The following TMC2 variants were observed in gnomAD, a reference collection of about 807,000 sequenced individuals.
The protein encoded by TMC2 is transmembrane channel like 2.
A neutral mutation model predicts 105.9 loss-of-function variants in TMC2; 102 were observed. That is an observed-to-expected ratio of 0.96 (90% CI 0.82 to 1.14). TMC2 has a LOEUF of 1.14. TMC2 is among the 50% of genes most tolerant of loss of function. The pLI is 0.00. For missense variants in TMC2, 1,093 were observed against 1,134.3 expected, an observed-to-expected ratio of 0.96 and a Z score of 0.52; for synonymous variants, 402 against 422.8, an observed-to-expected ratio of 0.95 and a Z score of 0.60.
intron 2 of TMC2, among the ~76,000 whole-genome samples, chr20:2,545,302 C>T (rs192867474): frequency 1.8e-4 from 27 of 152,238 alleles, no homozygotes; most frequent in African/African-American, 5.1e-4. Context: ...ATCTAGAATA[C>T]CCCTAGGGTA....
intron 1 of TMC2, 62 bp from the exon 2 acceptor site, chr20:2,537,207 G>A: frequency 6.8e-7 from 1 of 1,473,634 alleles, no homozygotes; most frequent in East Asian, 2.4e-5. Flanking sequence ...AGTGACCGGG[G>A]GTCTGCAGGG....
Position 2,637,485 on chromosome 20 carries a change from T to C in TMC2, c.2397T>C (p.Val799=). ...ATTATTTCCTGCAGCTCCGTGAAGT[T>C]GAGAAGAGTCACAAATCTGTAAAAG... ...LRKKIQVLRE[V]EKSHKSVKGK... The change falls in exon 19 of 20, where the codon GTT becomes GTC. Residue 799 remains valine, a synonymous_variant. Transcript: ENST00000358864. The C allele has an allele frequency of 6.2e-7, 1 of 1,612,382 alleles. No homozygotes were observed. Among genetic ancestry groups the C allele is most frequent in the Non-Finnish European group, 8.5e-7 (1 of 1,178,730 alleles).
intron 7 of TMC2, among the ~76,000 whole-genome samples, chr20:2,583,015 A>G (rs1255059116): frequency 6.6e-6 from 1 of 152,178 alleles, no homozygotes; most frequent in African/African-American, 2.4e-5. Flanking sequence ...CTCTTCCAAC[A>G]CTGGATGTAT....
rs2086693920 is a variant in TMC2 at position 2,642,113 on chromosome 20, G to A, written c.*762G>A. Among the ~76,000 whole-genome samples, 1 of 152,110 alleles carries A rather than the reference G, an allele frequency of 6.6e-6. No individual in the cohort carries two copies. The highest frequency in any genetic ancestry group is 6.5e-5 in the Admixed American group (1 of 15,274). ...AACAACAAGTCTGGCCAGGAGTGGT[G>A]GCTCACACCTGTAATCCCAACACTT... On this transcript the variant is annotated 3_prime_UTR_variant, in exon 20 of 20. Transcript: ENST00000358864.
At chr20:2,619,264 G>A (rs2086507616) in intron 16 of TMC2, among the ~76,000 whole-genome samples, 1 of 152,064 alleles carries the variant, frequency 6.6e-6, no homozygotes, top group Non-Finnish European at 1.5e-5. Flanking sequence ...AATCCCCCAG[G>A]CCCAGGGCTT....
intron 11 of TMC2, 96 bp downstream of exon 11, chr20:2,602,397 A>G (rs975982878): frequency 9.5e-6 from 9 of 949,840 alleles, no homozygotes; most frequent in Non-Finnish European, 1.3e-5. Flanking sequence ...AGTCTGGATT[A>G]TAGGCTTGTT....
intron 10 of TMC2, 68 bp downstream of exon 10, chr20:2,597,366 C>G (rs2086316511): frequency 6.7e-7 from 1 of 1,482,464 alleles, no homozygotes; most frequent in Non-Finnish European, 9.3e-7. Context: ...AGAGACTTCT[C>G]CCAGCTGGGA....
At chr20:2,576,182 C>T (rs750732464) in intron 5 of TMC2, among the ~76,000 whole-genome samples, 3 of 152,102 alleles carry the variant, frequency 2.0e-5, no homozygotes, top group Non-Finnish European at 4.4e-5. Context: ...TGACTTGAAA[C>T]TTTTTTCCTA....
chr20:2,624,517 G>A lies in TMC2; in HGVS notation c.2306+121G>A, dbSNP rs938456319. 8.3e-6 allele frequency: 10 copies of A among 1,209,922 alleles called. No individual in the cohort carries two copies. The African/African-American group carries it at 1.4e-4, about 17-fold the overall frequency. 74.9% of individuals were successfully genotyped at this position (1,209,922 alleles called of 1,614,324 possible). A position where few individuals can be genotyped will look rare whatever the true frequency, so the allele number is the denominator to read the frequency against. On this transcript the variant is annotated intron_variant, in intron 17 of 19. Transcript: ENST00000358864. ...TGCACTCCCCAGAAGCAGAATCCAT[G>A]ACAAGGATTCAAGTGTAAGTATTTT...
At chr20:2,635,734 C>A (rs117215967) in intron 17 of TMC2, among the ~76,000 whole-genome samples, 192 bp from the exon 18 acceptor site, 1 of 152,158 alleles carries the variant, frequency 6.6e-6, no homozygotes, top group South Asian at 2.1e-4. Context: ...GTTATGCCCA[C>A]GCATAATAAA....
chr20:2,551,961 T>C (rs1440800469), intron 2 of TMC2, among the ~76,000 whole-genome samples: 4 of 152,138 alleles, frequency 2.6e-5, no homozygotes, highest in African/African-American at 4.8e-5. Context: ...CCTTTCCATA[T>C]AAACTTTAGA....
At chr20:2,612,715 A>G (rs1294740136) in intron 13 of TMC2, among the ~76,000 whole-genome samples, 1 of 152,230 alleles carries the variant, frequency 6.6e-6, no homozygotes, top group African/African-American at 2.4e-5. Context: ...AGAAAAAGAA[A>G]AAGAAAAATC....
chr20:2,573,561 CTTTTTTTTT>C, intron 5 of TMC2, among the ~76,000 whole-genome samples: 1 of 116,990 alleles, frequency 8.5e-6, no homozygotes, highest in South Asian at 2.8e-4. Flanking sequence ...CTTTTCTTTT[CTTTTTTTTT>C]TTTTTTTTGA....
intron 6 of TMC2, among the ~76,000 whole-genome samples, chr20:2,579,649 C>T (rs1255485049): frequency 6.6e-6 from 1 of 152,008 alleles, no homozygotes; most frequent in Non-Finnish European, 1.5e-5. Flanking sequence ...GTCTCGAACT[C>T]CTGACCTCAA....
Position 2,641,132 on chromosome 20 carries a change from A to G in TMC2, c.2504-2A>G, listed in dbSNP as rs2086685424. On this transcript the variant is annotated splice_acceptor_variant, in intron 19 of 19. Transcript: ENST00000358864. LOFTEE classifies it high-confidence loss of function. ...TCTTTCTTGTCTTGGTTCGTTTTCC[A>G]GAGACCACTCCTCCCTCTGCCAGCC... 6.2e-7 allele frequency: 1 copy of G among 1,613,868 alleles called. No individual in the cohort carries two copies. Among genetic ancestry groups the G allele is most frequent in the African/African-American group, 1.3e-5 (1 of 74,912 alleles).
chr20:2,599,295 TAA>T (rs11473820), intron 10 of TMC2, among the ~76,000 whole-genome samples: 23,752 of 126,682 alleles, frequency 0.19, 2,520 homozygotes, highest in South Asian at 0.31. Flanking sequence ...GGGATAATGT[TAA>T]AAAAAAAAAA....
At chr20:2,553,678 T>C (rs1328401125) in intron 2 of TMC2, among the ~76,000 whole-genome samples, 1 of 152,218 alleles carries the variant, frequency 6.6e-6, no homozygotes, top group African/African-American at 2.4e-5. Context: ...AAATCACCAG[T>C]GAAATCATCC....
At chr20:2,573,045 T>C (rs1354240080) in intron 5 of TMC2, among the ~76,000 whole-genome samples, 2 of 117,064 alleles carry the variant, frequency 1.7e-5, no homozygotes, top group African/African-American at 7.7e-5. Context: ...AGCCTTGAAC[T>C]CCTGGCCTCA....
chr20:2,556,798 TTTTG>T (rs2085987911), intron 2 of TMC2, among the ~76,000 whole-genome samples: 1 of 152,100 alleles, frequency 6.6e-6, no homozygotes, highest in South Asian at 2.1e-4. Flanking sequence ...TTATCTCCGT[TTTTG>T]TTTGTCTGAG....
Sources: gnomAD v4.1 joint callset for allele counts (sites outside exome capture counted in the v4.1 genomes callset) on GRCh38, gnomAD v4.1.1 for gene constraint, MANE v1.5 for transcripts, NCBI Gene and HGNC (gene_info 2026-07-23, HGNC 2026-07-21) for gene names.